Variants in CFAP299 observed in about 807,000 individuals in gnomAD.
CFAP299 encodes cilia and flagella associated protein 299.
CFAP299 carries 21 observed loss-of-function variants against 27.0 expected under a neutral mutation model. The ratio of observed to expected loss-of-function variants is 0.78; its 90% CI spans 0.55 to 1.12. The LOEUF is 1.12. Ranked by LOEUF, CFAP299 falls within the 50% of genes most tolerant of loss-of-function variation. The probability of loss-of-function intolerance (pLI) is 0.00; values close to 1 mark genes in which losing one functional copy is unlikely to be tolerated. For missense variants in CFAP299, 310 were observed against 276.6 expected, an observed-to-expected ratio of 1.12 and a Z score of -0.86; for synonymous variants, 104 against 98.1, an observed-to-expected ratio of 1.06 and a Z score of -0.36.
chr4:80,845,332 T>A lies in CFAP299; in HGVS notation c.334-24661T>A, dbSNP rs76821182. The stretch of plus-strand genomic sequence containing the variant: ...AGTTTTTCAGTGATGTTTTTAAAAA[T>A]CTGATCATTTACATTCTGTTGCATA... On this transcript the variant is annotated intron_variant, in intron 3 of 5. Coordinates refer to ENST00000358105, the MANE Select transcript of CFAP299 (RefSeq NM_152770.3). Among the ~76,000 whole-genome samples, 373 of 151,980 alleles carry A rather than the reference T, an allele frequency of 2.5e-3. 1 individual carries two copies. The highest frequency in any genetic ancestry group is 8.5e-3 in the African/African-American group (352 of 41,388).
intron 5 of CFAP299, among the ~76,000 whole-genome samples, chr4:80,961,370 A>G (rs377140380): frequency 1.3e-5 from 2 of 151,976 alleles, no homozygotes; most frequent in East Asian, 3.9e-4. Flanking sequence ...TGATTATGTG[A>G]ACTTAAATTT....
rs139398650 is a variant in CFAP299 at position 80,552,395 on chromosome 4, G to A, written c.243-30698G>A. 2.7e-3 allele frequency among the ~76,000 whole-genome samples: 417 copies of A among 152,260 alleles called. 1 individual carries two copies. The highest frequency in any genetic ancestry group is 9.8e-3 in the African/African-American group (407 of 41,548). The stretch of plus-strand genomic sequence containing the variant: ...TTTCCGTGGCCTCGACCTGTTAAAT[G>A]TTTTCATAGAACAGATGTAACTGTG... On this transcript the variant is annotated intron_variant, in intron 2 of 5. Transcript: ENST00000358105.
At chr4:80,661,382 G>T (rs1403485036) in intron 3 of CFAP299, among the ~76,000 whole-genome samples, 6 of 151,218 alleles carry the variant, frequency 4.0e-5, no homozygotes, top group Admixed American at 3.3e-4. Flanking sequence ...CGGAGGGACC[G>T]GCTGAAGCCA....
intron 2 of CFAP299, among the ~76,000 whole-genome samples, chr4:80,441,267 G>A (rs1221992131): frequency 1.3e-5 from 2 of 152,170 alleles, no homozygotes; most frequent in African/African-American, 4.8e-5. Context: ...ATTCTCCAAG[G>A]TTGAAATGAA....
At chr4:80,580,728 C>A (rs1736120066) in intron 2 of CFAP299, among the ~76,000 whole-genome samples, 1 of 151,956 alleles carries the variant, frequency 6.6e-6, no homozygotes, top group African/African-American at 2.4e-5. Flanking sequence ...CTACTGTTCA[C>A]AAATATTTAC....
intron 2 of CFAP299, among the ~76,000 whole-genome samples, chr4:80,451,328 A>G (rs1462187286): frequency 6.6e-6 from 1 of 152,168 alleles, no homozygotes; most frequent in Non-Finnish European, 1.5e-5. Flanking sequence ...CCACCCTTAC[A>G]ACTTTATTTA....
intron 3 of CFAP299, among the ~76,000 whole-genome samples, chr4:80,808,336 T>C (rs1728970393): frequency 6.6e-6 from 1 of 152,108 alleles, no homozygotes; most frequent in Non-Finnish European, 1.5e-5. Flanking sequence ...ATGCAAACTT[T>C]TTGAGAAGAT....
intron 2 of CFAP299, among the ~76,000 whole-genome samples, chr4:80,385,637 G>A (rs1400377418): frequency 6.6e-6 from 1 of 152,150 alleles, no homozygotes; most frequent in African/African-American, 2.4e-5. Flanking sequence ...TCTTGGAATT[G>A]AAGCCAGATC....
intron 2 of CFAP299, among the ~76,000 whole-genome samples, chr4:80,384,784 A>C (rs910019400): frequency 1.2e-4 from 19 of 152,122 alleles, no homozygotes; most frequent in Admixed American, 9.2e-4. Flanking sequence ...TTCTAATTTA[A>C]GCACCTCAGG....
intron 2 of CFAP299, among the ~76,000 whole-genome samples, chr4:80,427,758 A>G (rs1353782106): frequency 6.6e-6 from 1 of 152,242 alleles, no homozygotes; most frequent in African/African-American, 2.4e-5. Flanking sequence ...AGAAAAATAC[A>G]TTAGAATACA....
At chr4:80,537,952 A>G (rs1424479549) in intron 2 of CFAP299, among the ~76,000 whole-genome samples, 1 of 152,174 alleles carries the variant, frequency 6.6e-6, no homozygotes, top group Non-Finnish European at 1.5e-5. Flanking sequence ...TTTTGTCAAA[A>G]ATAAAATATT....
chr4:80,760,215 AAG>A (rs1385592917), intron 3 of CFAP299, among the ~76,000 whole-genome samples: 1 of 152,194 alleles, frequency 6.6e-6, no homozygotes, highest in Non-Finnish European at 1.5e-5. Flanking sequence ...ATGAAAGAGA[AAG>A]AAATACATTA....
At position 80,583,209 on chromosome 4, in the gene CFAP299, A is replaced by G. The variant is rs766129204; in HGVS notation, c.333+26A>G. 1.0e-5 allele frequency: 14 copies of G among 1,389,148 alleles called. 1 individual carries two copies. In the Admixed American group the frequency reaches 2.4e-4, roughly 24 times the overall value. 86.1% of individuals were successfully genotyped at this position (1,389,148 alleles called of 1,614,324 possible). On this transcript the variant is annotated intron_variant, in intron 3 of 5. Coordinates refer to ENST00000358105, the MANE Select transcript of CFAP299 (RefSeq NM_152770.3). ...GTAAGTACATTTCATCCAACAGCTT[A>G]AAATGTATACACTAAATGCACAATT...
At chr4:80,782,838 T>A (rs1382817863) in intron 3 of CFAP299, among the ~76,000 whole-genome samples, 1 of 151,054 alleles carries the variant, frequency 6.6e-6, no homozygotes, top group African/African-American at 2.4e-5. Context: ...TCCATGTAGA[T>A]ATCTACATAT....
intron 3 of CFAP299, among the ~76,000 whole-genome samples, chr4:80,595,774 ATTAAG>A (rs1447514639): frequency 2.0e-5 from 3 of 152,176 alleles, no homozygotes; most frequent in African/African-American, 7.2e-5. Flanking sequence ...TGAAATATTT[ATTAAG>A]TTATCAAGCT....
chr4:80,910,604 T>A (rs1263517526), intron 4 of CFAP299, among the ~76,000 whole-genome samples: 1 of 152,048 alleles, frequency 6.6e-6, no homozygotes, highest in Admixed American at 6.6e-5. Flanking sequence ...TTCTAACTTA[T>A]AAATGGGAGC....
In CFAP299 at chr4:80,547,043, A is replaced by G. The variant is rs1734269531; in HGVS notation, c.243-36050A>G. On this transcript the variant is annotated intron_variant, in intron 2 of 5. Transcript: ENST00000358105. ...AAAAAAAAATTATTCCAGAATTCATATGGAAGCAAAAAGAGCTCAAATCAC... is the reference window on the plus strand; with the variant it reads ...AAAAAAAAATTATTCCAGAATTCATGTGGAAGCAAAAAGAGCTCAAATCAC... Among the ~76,000 whole-genome samples the G allele has an allele frequency of 2.0e-5, 3 of 152,288 alleles. No individual in the cohort carries two copies. In the South Asian group the frequency reaches 6.2e-4, roughly 32 times the overall value.
intron 2 of CFAP299, among the ~76,000 whole-genome samples, chr4:80,523,913 T>G (rs1469687087): frequency 6.6e-6 from 1 of 152,162 alleles, no homozygotes; most frequent in African/African-American, 2.4e-5. Flanking sequence ...CAACTTGATT[T>G]TTTTTTCATA....
At chr4:80,815,374 A>G (rs1299187154) in intron 3 of CFAP299, among the ~76,000 whole-genome samples, 1 of 151,904 alleles carries the variant, frequency 6.6e-6, no homozygotes, top group Non-Finnish European at 1.5e-5. Context: ...CAATTTTCAG[A>G]GTAAAGTCTC....
Sources: gnomAD v4.1 joint callset for allele counts (sites outside exome capture counted in the v4.1 genomes callset) on GRCh38, gnomAD v4.1.1 for gene constraint, MANE v1.5 for transcripts, NCBI Gene and HGNC (gene_info 2026-07-23, HGNC 2026-07-21) for gene names.